ACBD6: variants seen among roughly 807,000 people sequenced by gnomAD.
ACBD6 encodes acyl-CoA binding domain containing 6.
In ACBD6, 28 loss-of-function variants were observed where a neutral mutation model predicts 37.2. The ratio of observed to expected loss-of-function variants is 0.75; its 90% confidence interval spans 0.56 to 1.03. ACBD6 has a LOEUF of 1.03. Ranked by LOEUF, ACBD6 falls within the 50% of genes least tolerant of loss-of-function variation. The pLI, the probability that ACBD6 is intolerant of heterozygous loss-of-function variation, is 0.00. For synonymous variants in ACBD6, 113 were observed against 126.8 expected (o/e 0.89, Z 0.73); for missense variants, 340 against 337.4 (o/e 1.01, Z -0.06).
chr1:180,470,913 T>G (rs1213230195), intron 3 of ACBD6, among the ~76,000 whole-genome samples: 1 of 152,218 alleles, frequency 6.6e-6, no homozygotes, highest in Non-Finnish European at 1.5e-5. Context: ...TAGGTAAAAA[T>G]AATTGACTGC....
chr1:180,501,905 C>CAAAAA, intron 1 of ACBD6, 140 bp downstream of exon 1: 11 of 611,182 alleles, frequency 1.8e-5, no homozygotes, highest in Non-Finnish European at 2.0e-5. Flanking sequence ...AGCAGATGGT[C>CAAAAA]AAAAAAAAAA....
intron 1 of ACBD6, among the ~76,000 whole-genome samples, chr1:180,496,473 A>C (rs1651743568): frequency 6.6e-6 from 1 of 152,168 alleles, no homozygotes; most frequent in South Asian, 2.1e-4. Context: ...ACTCTAACTG[A>C]TGCCTTCATC....
intron 2 of ACBD6, among the ~76,000 whole-genome samples, chr1:180,494,951 A>G (rs1651674608): frequency 6.6e-6 from 1 of 152,162 alleles, no homozygotes; most frequent in African/African-American, 2.4e-5. Context: ...TTTTCACTGA[A>G]TTTTTCCCTT....
intron 6 of ACBD6, among the ~76,000 whole-genome samples, chr1:180,335,980 C>A (rs1455372846): frequency 1.3e-5 from 2 of 151,632 alleles, no homozygotes; most frequent in African/African-American, 2.4e-5. Context: ...AATATATATG[C>A]ACCCAATACA....
intron 7 of ACBD6, among the ~76,000 whole-genome samples, chr1:180,312,616 G>A (rs1262339815): frequency 6.6e-6 from 1 of 152,044 alleles, no homozygotes; most frequent in East Asian, 1.9e-4. Flanking sequence ...TGTTTTTCTT[G>A]TTTCGGATTT....
downstream of ACBD6, among the ~76,000 whole-genome samples, chr1:180,284,880 G>C (rs1649428708): frequency 6.6e-6 from 1 of 152,088 alleles, no homozygotes; most frequent in African/African-American, 2.4e-5. Context: ...GGCCAAGCCT[G>C]GTGGCTCTTG....
At chr1:180,338,423 G>A (rs1651834417) in intron 6 of ACBD6, among the ~76,000 whole-genome samples, 1 of 152,130 alleles carries the variant, frequency 6.6e-6, no homozygotes, top group Admixed American at 6.5e-5. Context: ...AACAAGCAAT[G>A]GGGAAAGGAT....
At chr1:180,482,789 C>T (rs865852509) in intron 3 of ACBD6, among the ~76,000 whole-genome samples, 6 of 152,104 alleles carry the variant, frequency 3.9e-5, no homozygotes, top group Admixed American at 6.5e-5. Context: ...CTCAGTGTTA[C>T]GGAGGTAGCT....
chr1:180,382,944 A>C (rs768624443), intron 6 of ACBD6, among the ~76,000 whole-genome samples: 1 of 152,224 alleles, frequency 6.6e-6, no homozygotes, highest in Non-Finnish European at 1.5e-5. Context: ...AAGGACAAAA[A>C]CCATACGACC....
At chr1:180,304,181 C>A (rs972641035) in intron 7 of ACBD6, among the ~76,000 whole-genome samples, 5 of 150,838 alleles carry the variant, frequency 3.3e-5, no homozygotes, top group African/African-American at 1.2e-4. Context: ...GAACCATTCC[C>A]TTTGAAAATG....
chr1:180,458,460 C>T (rs180921855), intron 3 of ACBD6, among the ~76,000 whole-genome samples: 1 of 152,114 alleles, frequency 6.6e-6, no homozygotes, highest in Admixed American at 6.6e-5. Context: ...TCATATAATA[C>T]AGATAAGAAA....
intron 6 of ACBD6, among the ~76,000 whole-genome samples, chr1:180,388,671 C>T (rs1056122442): frequency 2.0e-5 from 3 of 151,912 alleles, no homozygotes; most frequent in Admixed American, 2.0e-4. Flanking sequence ...AAACTCCTGG[C>T]CTCAAGTGAT....
intron 3 of ACBD6, among the ~76,000 whole-genome samples, chr1:180,451,369 T>C (rs2102027241): frequency 6.6e-6 from 1 of 152,308 alleles, no homozygotes; most frequent in South Asian, 2.1e-4. Context: ...GCAATTCCAC[T>C]CCTGGATATA....
chr1:180,457,573 G>A (rs528093159), intron 3 of ACBD6, among the ~76,000 whole-genome samples: 14 of 152,082 alleles, frequency 9.2e-5, no homozygotes, highest in Non-Finnish European at 1.9e-4. Flanking sequence ...GCCAGACCTA[G>A]TGCTAAGGAA....
intron 3 of ACBD6, among the ~76,000 whole-genome samples, chr1:180,432,071 GT>G (rs1373702672): frequency 6.6e-6 from 1 of 152,062 alleles, no homozygotes; most frequent in Non-Finnish European, 1.5e-5. Context: ...GCCAGGCATG[GT>G]GGTGCGTGAC....
intron 6 of ACBD6, among the ~76,000 whole-genome samples, chr1:180,345,454 T>C (rs1032733329): frequency 6.6e-6 from 1 of 152,142 alleles, no homozygotes; most frequent in Non-Finnish European, 1.5e-5. Flanking sequence ...ATGAAAAGAT[T>C]TATAAATCTT....
intron 9 of ACBD6, chr1:180,278,978 C>G (rs1228372650): frequency 6.6e-6 from 1 of 152,062 alleles, no homozygotes; most frequent in Non-Finnish European, 1.5e-5. Flanking sequence ...TATGGAAATT[C>G]TTTAGATGCT....
intron 6 of ACBD6, among the ~76,000 whole-genome samples, chr1:180,341,248 C>G (rs1041598390): frequency 1.3e-4 from 20 of 151,994 alleles, no homozygotes; most frequent in Non-Finnish European, 2.9e-5. Context: ...GGAATGGCTA[C>G]AAGTATAGTA....
chr1:180,434,548 T>A (rs1315529974), intron 3 of ACBD6, among the ~76,000 whole-genome samples: 3 of 152,210 alleles, frequency 2.0e-5, no homozygotes, highest in Admixed American at 6.5e-5. Context: ...ATCTATATAG[T>A]AAGAACCTTG....
Sources: allele counts gnomAD v4.1 joint callset (sites outside exome capture counted in the v4.1 genomes callset), GRCh38; gene constraint gnomAD v4.1.1; transcripts MANE v1.5; gene names NCBI Gene and HGNC (gene_info 2026-07-23, HGNC 2026-07-21).